The following RBM20 variants were observed in gnomAD, a reference collection of about 807,000 sequenced individuals.
The protein encoded by RBM20 is RNA-binding protein 20.
RBM20 carries 51 observed loss-of-function variants against 110.1 expected under a neutral mutation model. That is an observed-to-expected ratio of 0.46 (90% CI 0.37 to 0.59). The LOEUF (loss-of-function observed/expected upper bound fraction) is 0.59, where lower values mean the gene tolerates loss of function less well. Among genes scored for constraint, RBM20 ranks in the 20% least tolerant of loss-of-function variants. The pLI, the probability that RBM20 is intolerant of heterozygous loss-of-function variation, is 0.00. For synonymous variants in RBM20, 589 were observed against 618.2 expected (o/e 0.95, Z 0.70); for missense variants, 1,512 against 1,574.9 (o/e 0.96, Z 0.68).
chr10:110,821,831 C>G lies in RBM20; in HGVS notation c.3212C>G (p.Thr1071Ser). 1 of 1,551,726 alleles carries G rather than the reference C, an allele frequency of 6.4e-7. No individual in the cohort carries two copies. Among genetic ancestry groups the G allele is most frequent in the Non-Finnish European group, 8.7e-7 (1 of 1,146,990 alleles). ...GTGGATGATTGCAAGACCAGGGGGA[C>G]CCCCGAAGATGGGGCTTGTGAAGGC... ...PFVDDCKTRG[T>S]PEDGACEGSP... The change falls in exon 11 of 14, where the codon ACC (threonine) becomes AGC (serine). Residue 1071 changes from threonine to serine, a missense_variant. By Grantham distance (58) the Thr-to-Ser change is moderately conservative. Around this residue, in one of 3 missense-constraint regions of RBM20, gnomAD observed 358 missense variants for 384.2 expected, o/e 0.93. Coordinates refer to ENST00000369519, the MANE Select transcript of RBM20 (RefSeq NM_001134363.3).
chr10:110,682,954 G>T (rs928200156), intron 1 of RBM20, among the ~76,000 whole-genome samples: 4 of 152,150 alleles, frequency 2.6e-5, no homozygotes, highest in African/African-American at 7.2e-5. Context: ...AAGAGCTGTT[G>T]TTCCTTCTTC....
intron 1 of RBM20, among the ~76,000 whole-genome samples, chr10:110,675,550 G>C (rs2039876): frequency 0.7 from 106,720 of 152,120 alleles, 38,967 homozygotes; most frequent in Non-Finnish European, 0.8. Context: ...AACTTCCAGC[G>C]GGTAAGGTAT....
At chr10:110,679,945 A>C (rs1403752877) in intron 1 of RBM20, among the ~76,000 whole-genome samples, 1 of 152,184 alleles carries the variant, frequency 6.6e-6, no homozygotes, top group African/African-American at 2.4e-5. Context: ...GGGCACCTCA[A>C]TCTCAGTTTC....
In RBM20 at chr10:110,781,770, G is replaced by A. The variant is rs374299043; in HGVS notation, c.1161G>A (p.Ala387=). ...GAGRRAKEDQ[A]LLSVRPLQAH... ...GGCGGAGGGCCAAGGAGGACCAGGC[G>A]TTGCTATCTGTGCGGCCCCTGCAGG... Residue 387 remains alanine (A), a synonymous_variant, in exon 2 of 14, where the codon GCG becomes GCA. Coordinates refer to ENST00000369519, the MANE Select transcript of RBM20 (RefSeq NM_001134363.3). 1.6e-4 allele frequency: 245 copies of A among 1,551,830 alleles called. 1 individual carries two copies. Among genetic ancestry groups the A allele is most frequent in the Non-Finnish European group, 2.0e-4 (228 of 1,147,016 alleles).
intron 1 of RBM20, among the ~76,000 whole-genome samples, chr10:110,667,464 G>C (rs75837933): frequency 0.056 from 8,503 of 152,220 alleles, 792 homozygotes; most frequent in African/African-American, 0.19. Context: ...GGACAGTGGG[G>C]AAGATCCTGC....
At chr10:110,710,846 T>C (rs987076344) in intron 1 of RBM20, among the ~76,000 whole-genome samples, 1 of 152,196 alleles carries the variant, frequency 6.6e-6, no homozygotes, top group Non-Finnish European at 1.5e-5. Context: ...TCCCAGGCTC[T>C]GGACTTGTGG....
chr10:110,784,891 T>C lies in RBM20; in HGVS notation c.1527+2T>C, dbSNP rs1844401570. The C allele has an allele frequency of 6.7e-7, 1 of 1,492,232 alleles. No individual in the cohort carries two copies. The highest frequency in any genetic ancestry group is 1.2e-5 in the South Asian group (1 of 80,482). 92.4% of individuals were successfully genotyped at this position (1,492,232 alleles called of 1,614,324 possible). On this transcript the variant is annotated splice_donor_variant, in intron 5 of 13. Transcript: ENST00000369519. LOFTEE classifies it high-confidence loss of function. Reference sequence around the variant, plus strand: ...CCTTTGGCTTCTGTGGGGACAACTGTGAGTACGGAAACATTTTCTCTAGAA... The same window carrying C: ...CCTTTGGCTTCTGTGGGGACAACTGCGAGTACGGAAACATTTTCTCTAGAA...
At chr10:110,655,263 G>A (rs986348804) in intron 1 of RBM20, among the ~76,000 whole-genome samples, 7 of 136,048 alleles carry the variant, frequency 5.1e-5, no homozygotes, top group Middle Eastern at 3.9e-3. Context: ...TCCTGTTTCC[G>A]TCCCCCACCC....
At chr10:110,726,329 G>C (rs1247837960) in intron 1 of RBM20, among the ~76,000 whole-genome samples, 1 of 152,188 alleles carries the variant, frequency 6.6e-6, no homozygotes, top group Non-Finnish European at 1.5e-5. Flanking sequence ...CTCCGTACTA[G>C]AGCACTTTCT....
At position 110,812,280 on chromosome 10, in the gene RBM20, A is replaced by G. The variant is rs2135103547; in HGVS notation, c.1883A>G (p.Tyr628Cys). 3 of 1,541,900 alleles carry G rather than the reference A, an allele frequency of 1.9e-6. No individual in the cohort carries two copies. Among genetic ancestry groups the G allele is most frequent in the African/African-American group, 1.4e-5 (1 of 72,994 alleles). ...CCTGCTCCTTGGCTCCCTCACAGAT[A>G]TGGCCCAGAAAGGCCGCGGTCTCGT... is the stretch of plus-strand genomic sequence containing the variant. ...ERDMFREADRYGPERPRSRSP... is the reference protein window; with the variant it reads ...ERDMFREADRCGPERPRSRSP... Residue 628 changes from tyrosine (Y) to cysteine (C), a missense_variant and splice_region_variant, in exon 9 of 14, where the codon TAT becomes TGT. Transcript: ENST00000369519.
chr10:110,702,688 C>T (rs1862777168), intron 1 of RBM20, among the ~76,000 whole-genome samples: 2 of 152,218 alleles, frequency 1.3e-5, no homozygotes, highest in South Asian at 4.1e-4. Flanking sequence ...CACCCACTAG[C>T]CCTCATGGGC....
intron 7 of RBM20, among the ~76,000 whole-genome samples, chr10:110,808,906 A>T (rs1844727928): frequency 6.6e-6 from 1 of 152,062 alleles, no homozygotes; most frequent in African/African-American, 2.4e-5. Flanking sequence ...GCTTTTTAAC[A>T]TTTGTATGGC....
intron 1 of RBM20, among the ~76,000 whole-genome samples, chr10:110,756,028 C>A (rs370314898): frequency 6.6e-6 from 1 of 152,218 alleles, no homozygotes; most frequent in Admixed American, 6.5e-5. Context: ...AACGCTCCAA[C>A]GTGCATCTGT....
chr10:110,747,982 C>G (rs554670880), intron 1 of RBM20, among the ~76,000 whole-genome samples: 5 of 152,312 alleles, frequency 3.3e-5, no homozygotes, highest in Admixed American at 3.3e-4. Context: ...AACTCCTAGG[C>G]TGTAATTTCA....
chr10:110,760,217 G>T (rs932076941), intron 1 of RBM20, among the ~76,000 whole-genome samples: 1 of 152,100 alleles, frequency 6.6e-6, no homozygotes, highest in Admixed American at 6.5e-5. Context: ...GGGTGCTTTG[G>T]CTTCATGTGT....
At chr10:110,795,405 G>A (rs1475094874) in intron 5 of RBM20, among the ~76,000 whole-genome samples, 2 of 152,228 alleles carry the variant, frequency 1.3e-5, no homozygotes, top group Admixed American at 1.3e-4. Flanking sequence ...TTGGGAAAGT[G>A]CTTGACCTCT....
chr10:110,816,937 T>C (rs10749053), intron 9 of RBM20, among the ~76,000 whole-genome samples: 124,225 of 152,236 alleles, frequency 0.82, 51,177 homozygotes, highest in East Asian at 0.96. Context: ...AGAAAGTTTC[T>C]GTGGTTGAGA....
chr10:110,706,109 G>A (rs1862834530), intron 1 of RBM20, among the ~76,000 whole-genome samples: 1 of 151,942 alleles, frequency 6.6e-6, no homozygotes. Flanking sequence ...TAAAAGAACT[G>A]CTGATGCAGA....
At chr10:110,806,992 C>T (rs1844703088) in intron 7 of RBM20, among the ~76,000 whole-genome samples, 1 of 152,168 alleles carries the variant, frequency 6.6e-6, no homozygotes. Flanking sequence ...GGCAGCTGGT[C>T]CAGAGAGCAC....
Sources: gnomAD v4.1 joint callset for allele counts (sites outside exome capture counted in the v4.1 genomes callset) on GRCh38, gnomAD v4.1.1 for gene constraint, gnomAD v4.1.1 regional missense constraint, MANE v1.5 for transcripts, NCBI Gene and HGNC (gene_info 2026-07-23, HGNC 2026-07-21) for gene names.